The following GCNT1 variants were observed in gnomAD, a reference collection of about 807,000 sequenced individuals.
The protein encoded by GCNT1 is beta-1,3-galactosyl-O-glycosyl-glycoprotein beta-1,6-N-acetylglucosaminyltransferase.
A neutral mutation model predicts 26.2 loss-of-function variants in GCNT1; 16 were observed. The ratio of observed to expected loss-of-function variants is 0.61; its 90% CI spans 0.41 to 0.93. GCNT1 has a LOEUF of 0.93. Ranked by LOEUF, GCNT1 falls within the 40% of genes least tolerant of loss-of-function variation. GCNT1 has a pLI of 0.00. For missense variants in GCNT1, 477 were observed against 526.7 expected (o/e 0.91, Z 0.92); for synonymous variants, 183 against 190.8 (o/e 0.96, Z 0.34).
At chr9:76,491,580 G>A (rs1486834686) in intron 2 of GCNT1, among the ~76,000 whole-genome samples, 1 of 152,210 alleles carries the variant, frequency 6.6e-6, no homozygotes, top group African/African-American at 2.4e-5. Context: ...TGGTCCCTGG[G>A]GGAAGAGGCT....
chr9:76,403,878 A>T, the GCNT1 span, among the ~76,000 whole-genome samples: 1 of 152,208 alleles, frequency 6.6e-6, no homozygotes, highest in Non-Finnish European at 1.5e-5. Context: ...AATTGTTTTT[A>T]ATTATACATT....
At chr9:76,483,119 C>T (rs1212605044) in intron 2 of GCNT1, among the ~76,000 whole-genome samples, 1 of 151,768 alleles carries the variant, frequency 6.6e-6, no homozygotes, top group Non-Finnish European at 1.5e-5. Flanking sequence ...ATAGTCCTAC[C>T]GAAACAGTAA....
At position 76,502,526 on chromosome 9, in the gene GCNT1, G is replaced by C; in HGVS notation, c.145G>C (p.Ala49Pro). ...TGTAAGTGTCAGACACTTGGAGCTT[G>C]CTGGGGAGAATCCTAGTAGTGATAT... ...EFVSVRHLELAGENPSSDINC... is the reference protein window; with the variant it reads ...EFVSVRHLELPGENPSSDINC... The change falls in exon 4 of 4, where the codon GCT becomes CCT. Residue 49 changes from alanine (A) to proline (P), a missense_variant. Physicochemically the swap from Ala to Pro is conservative, Grantham distance 27. Transcript: ENST00000376730. The C allele has an allele frequency of 6.2e-7, 1 of 1,614,000 alleles. No homozygotes were observed. The highest frequency in any genetic ancestry group is 1.7e-5 in the Admixed American group (1 of 60,020).
At chr9:76,413,643 G>GTTTTTTTTTTT in the GCNT1 span, among the ~76,000 whole-genome samples, 1 of 59,234 alleles carries the variant, frequency 1.7e-5, no homozygotes, top group Admixed American at 1.9e-4. Flanking sequence ...GGTTTTTTTT[G>GTTTTTTTTTTT]TTTTGTTTTG....
At chr9:76,400,140 G>T in the GCNT1 span, among the ~76,000 whole-genome samples, 1 of 152,168 alleles carries the variant, frequency 6.6e-6, no homozygotes, top group Non-Finnish European at 1.5e-5. Flanking sequence ...TATTCTGTAT[G>T]ATACTGTCCT....
intron 2 of GCNT1, among the ~76,000 whole-genome samples, chr9:76,482,950 C>A (rs567262106): frequency 6.6e-6 from 1 of 151,170 alleles, no homozygotes; most frequent in Non-Finnish European, 1.5e-5. Flanking sequence ...CTGCATCTGG[C>A]CAAATTAACA....
At chr9:76,414,999 C>T (rs372135295), upstream of GCNT1, among the ~76,000 whole-genome samples, 4 of 152,144 alleles carry the variant, frequency 2.6e-5, no homozygotes, top group East Asian at 5.8e-4. Context: ...CCTTTAAATG[C>T]CTCTGGCACT....
At chr9:76,394,442 G>A in the GCNT1 span, 1 of 377,862 alleles carries the variant, frequency 2.6e-6, no homozygotes, top group Non-Finnish European at 4.7e-6. Context: ...GTGTGAGCGG[G>A]GTGGGGGGAG....
At chr9:76,402,907 T>C in the GCNT1 span, among the ~76,000 whole-genome samples, 2 of 152,194 alleles carry the variant, frequency 1.3e-5, no homozygotes, top group Non-Finnish European at 1.5e-5. Flanking sequence ...CTCAAACTCC[T>C]GACCTTGTGA....
At chr9:76,465,446 C>A (rs1042963841) in intron 2 of GCNT1, among the ~76,000 whole-genome samples, 1 of 152,094 alleles carries the variant, frequency 6.6e-6, no homozygotes, top group East Asian at 1.9e-4. Flanking sequence ...GTAAAATGAT[C>A]GCTGTTGCTG....
At chr9:76,467,884 T>C (rs1824037466) in intron 2 of GCNT1, among the ~76,000 whole-genome samples, 1 of 144,680 alleles carries the variant, frequency 6.9e-6, no homozygotes, top group South Asian at 2.2e-4. Flanking sequence ...ATGCCAGTGG[T>C]CCCTCTTTCA....
chr9:76,493,556 C>A (rs551106534), intron 2 of GCNT1, among the ~76,000 whole-genome samples: 1 of 152,100 alleles, frequency 6.6e-6, no homozygotes, highest in Non-Finnish European at 1.5e-5. Flanking sequence ...GCCAAATTCC[C>A]CTCCCCCTAC....
intron 1 of GCNT1, among the ~76,000 whole-genome samples, chr9:76,421,043 G>A (rs1171480178): frequency 3.3e-5 from 5 of 151,850 alleles, no homozygotes; most frequent in African/African-American, 1.2e-4. Flanking sequence ...TGGTGGTTCT[G>A]AATGTTTGAT....
Position 76,503,288 on chromosome 9 carries a change from G to T in GCNT1, c.907G>T (p.Glu303Ter). The T allele has an allele frequency of 6.2e-7, 1 of 1,614,090 alleles. No individual in the cohort carries two copies. Among genetic ancestry groups the T allele is most frequent in the Non-Finnish European group, 8.5e-7 (1 of 1,180,008 alleles). The change falls in exon 4 of 4, where the codon GAA (glutamate) becomes TAA (stop). Residue 303 changes from glutamate (E) to a stop codon, truncating the protein, a stop_gained. Transcript: ENST00000376730. LOFTEE classifies it high-confidence loss of function. ...GTATGTGGGGTATGTACTACAGAATGAAAAAATCCAAAAGTTGATGGAGTG... is the reference window on the plus strand; with the variant it reads ...GTATGTGGGGTATGTACTACAGAATTAAAAAATCCAAAAGTTGATGGAGTG... ...REYVGYVLQN[E>*]KIQKLMEWAQ... is the part of the protein sequence containing the mutation.
In GCNT1 at chr9:76,506,508, TG is replaced by T. The variant is rs1825243580; in HGVS notation, c.*2843del. On this transcript the variant is annotated 3_prime_UTR_variant, in exon 4 of 4. Transcript: ENST00000376730. ...CTGAGATGCCACCACCACACCAGCCTGGGTGACAGAGTGAAACTCGTATCTC... is the reference window on the plus strand; with the variant it reads ...CTGAGATGCCACCACCACACCAGCCTGGTGACAGAGTGAAACTCGTATCTC... 6.0e-6 allele frequency: 1 copy of T among 166,862 alleles called. No homozygotes were observed. Among genetic ancestry groups the T allele is most frequent in the Non-Finnish European group, 1.5e-5 (1 of 68,108 alleles). The allele number at this position is 166,862 out of a possible 1,614,324, so 10.3% of individuals were successfully genotyped here.
chr9:76,427,921 G>A (rs1342810303), intron 1 of GCNT1, among the ~76,000 whole-genome samples: 2 of 152,140 alleles, frequency 1.3e-5, no homozygotes, highest in Non-Finnish European at 2.9e-5. Context: ...GGTGGAAGTT[G>A]CAGTGAGCCA....
intron 2 of GCNT1, among the ~76,000 whole-genome samples, chr9:76,493,793 A>G (rs557868907): frequency 6.6e-6 from 1 of 152,266 alleles, no homozygotes; most frequent in African/African-American, 2.4e-5. Flanking sequence ...GAAAGCTTGG[A>G]CATAAGGTAT....
intron 2 of GCNT1, among the ~76,000 whole-genome samples, chr9:76,464,654 T>A (rs1823955430): frequency 6.6e-6 from 1 of 152,138 alleles, no homozygotes; most frequent in Admixed American, 6.5e-5. Context: ...CAAGTGATCC[T>A]CCCACTTCAG....
At chr9:76,438,517 G>T (rs2131580074), upstream of GCNT1, among the ~76,000 whole-genome samples, 1 of 152,204 alleles carries the variant, frequency 6.6e-6, no homozygotes, top group East Asian at 1.9e-4. Flanking sequence ...GTATAATGAG[G>T]CATATGTGAG....
Sources: gnomAD v4.1 joint callset for allele counts (sites outside exome capture counted in the v4.1 genomes callset) on GRCh38, gnomAD v4.1.1 for gene constraint, MANE v1.5 for transcripts, NCBI Gene and HGNC (gene_info 2026-07-23, HGNC 2026-07-21) for gene names.